Variants in ATP2C1 observed in about 807,000 individuals in gnomAD.
ATP2C1 encodes the protein calcium-transporting ATPase type 2C member 1.
In ATP2C1, 31 loss-of-function variants were observed where a neutral mutation model predicts 120.5. The ratio of observed to expected loss-of-function variants is 0.26; its 90% confidence interval spans 0.19 to 0.35. The LOEUF is 0.35. Ranked by LOEUF, ATP2C1 falls within the 10% of genes least tolerant of loss-of-function variation. The pLI is 1.00. For synonymous variants in ATP2C1, 351 were observed against 358.7 expected (o/e 0.98, Z 0.24); for missense variants, 731 against 1,107.5 (o/e 0.66, Z 4.83).
chr3:130,975,778 G>A (rs924181462), intron 18 of ATP2C1, among the ~76,000 whole-genome samples: 11 of 152,162 alleles, frequency 7.2e-5, no homozygotes, highest in Middle Eastern at 3.2e-3. Flanking sequence ...GAAATGGATC[G>A]AGGTAAAATG....
At chr3:130,926,130 A>G (rs1320541402) in intron 2 of ATP2C1, among the ~76,000 whole-genome samples, 1 of 152,116 alleles carries the variant, frequency 6.6e-6, no homozygotes, top group Non-Finnish European at 1.5e-5. Context: ...AATTTCTTCA[A>G]AGGGTCTGTG....
At chr3:130,919,284 G>A (rs970282378) in intron 2 of ATP2C1, among the ~76,000 whole-genome samples, 1 of 151,418 alleles carries the variant, frequency 6.6e-6, no homozygotes, top group African/African-American at 2.4e-5. Flanking sequence ...GAGTGCAATG[G>A]CGCGATCTCA....
At position 130,894,209 on chromosome 3, in the gene ATP2C1, C is replaced by T. The variant is rs1247831042; in HGVS notation, c.-309C>T. Reference sequence around the variant, plus strand: ...CCCTCCCGCTCGCTTCTTCTCACGCCGGGAGCAGGCTCCCGCCTCGCACCG... The same window carrying T: ...CCCTCCCGCTCGCTTCTTCTCACGCTGGGAGCAGGCTCCCGCCTCGCACCG... On this transcript the variant is annotated 5_prime_UTR_variant, in exon 1 of 28. Coordinates refer to ENST00000510168, the MANE Select transcript of ATP2C1 (RefSeq NM_001378687.1). The surrounding 1 kb of genome is among the most constrained non-coding windows in gnomAD (Gnocchi z 4.5). 5 of 984,842 alleles carry T rather than the reference C, an allele frequency of 5.1e-6. No homozygotes were observed. The highest frequency in any genetic ancestry group is 4.8e-6 in the Non-Finnish European group (4 of 829,678). 61.0% of individuals were successfully genotyped at this position (984,842 alleles called of 1,614,324 possible).
chr3:130,905,307 C>T (rs958207663), intron 2 of ATP2C1, among the ~76,000 whole-genome samples: 3 of 152,006 alleles, frequency 2.0e-5, no homozygotes, highest in Non-Finnish European at 4.4e-5. Flanking sequence ...AAAAAACTGC[C>T]AGTGATGCTG....
chr3:131,016,296 T>G (rs34786162), exon 27 of ATP2C1: 422 of 1,614,094 alleles, frequency 2.6e-4, no homozygotes, highest in Admixed American at 6.5e-4. Flanking sequence ...TTTGGAACTC[T>G]GCATACAACA....
intron 23 of ATP2C1, 35 bp downstream of exon 23, chr3:130,996,146 C>T (rs372216236): frequency 6.6e-5 from 95 of 1,432,210 alleles, no homozygotes; most frequent in Non-Finnish European, 9.3e-5. Flanking sequence ...CATGGGTCTT[C>T]TGGATAAATT....
intron 1 of ATP2C1, among the ~76,000 whole-genome samples, chr3:130,888,900 T>C (rs1471704459): frequency 3.9e-5 from 6 of 152,236 alleles, no homozygotes; most frequent in Admixed American, 3.9e-4. Context: ...GGGTTATCAA[T>C]GGTACAGGCT....
At chr3:130,989,795 G>C (rs2062229208) in intron 20 of ATP2C1, among the ~76,000 whole-genome samples, 1 of 152,204 alleles carries the variant, frequency 6.6e-6, no homozygotes, top group African/African-American at 2.4e-5. Flanking sequence ...TTATTTTGCA[G>C]CTTTTGCCAA....
rs200079664 is a variant in ATP2C1, at chr3:130,996,130, T to A, written c.2126+19T>A. 1.3e-6 allele frequency: 2 copies of A among 1,562,146 alleles called. No individual in the cohort carries two copies. Among genetic ancestry groups the A allele is most frequent in the Admixed American group, 1.7e-5 (1 of 59,958 alleles). On this transcript the variant is annotated intron_variant, in intron 23 of 27. Transcript: ENST00000510168. The stretch of plus-strand genomic sequence containing the variant: ...TGAGCACGTAAGTTTGCAAGAAATT[T>A]GTCACCATGGGTCTTCTGGATAAAT...
chr3:130,986,184 CT>C lies in ATP2C1; in HGVS notation c.1839+5520del, dbSNP rs34877609. Among the ~76,000 whole-genome samples the C allele has an allele frequency of 3.1e-3, 425 of 135,094 alleles. 4 individuals carry two copies. Among genetic ancestry groups the C allele is most frequent in the East Asian group, 5.1e-3 (24 of 4,686 alleles). The allele number at this position is 135,094 out of a possible 152,430, so 88.6% of individuals were successfully genotyped here. On this transcript the variant is annotated intron_variant, in intron 20 of 27. Coordinates refer to ENST00000510168, the MANE Select transcript of ATP2C1 (RefSeq NM_001378687.1). ...AAGGTGTTTATATATTTGAATAGGG[CT>C]TTTTTTTTTTTTTTGGTGCACGTCC...
intron 2 of ATP2C1, among the ~76,000 whole-genome samples, chr3:130,922,580 G>A (rs914312263): frequency 6.6e-6 from 1 of 152,100 alleles, no homozygotes; most frequent in East Asian, 1.9e-4. Context: ...ACTTTTTGAT[G>A]TAGGCATTTA....
intron 1 of ATP2C1, among the ~76,000 whole-genome samples, chr3:130,882,876 A>C (rs2068830759): frequency 6.6e-6 from 1 of 152,062 alleles, no homozygotes; most frequent in Non-Finnish European, 1.5e-5. Context: ...ATGAGTTTGG[A>C]AGTATTCCCT....
intron 2 of ATP2C1, among the ~76,000 whole-genome samples, chr3:130,920,204 T>G (rs905963288): frequency 6.6e-6 from 1 of 152,244 alleles, no homozygotes; most frequent in African/African-American, 2.4e-5. Context: ...GTCCCACTTG[T>G]TTATTTTTGT....
At chr3:130,887,562 C>A (rs1169278272) in intron 1 of ATP2C1, among the ~76,000 whole-genome samples, 2 of 152,208 alleles carry the variant, frequency 1.3e-5, no homozygotes, top group African/African-American at 2.4e-5. Flanking sequence ...CCTTCCTGCT[C>A]TTCCCTCCCC....
chr3:130,989,381 A>G (rs1425392947), intron 20 of ATP2C1, among the ~76,000 whole-genome samples: 2 of 151,912 alleles, frequency 1.3e-5, no homozygotes, highest in East Asian at 1.9e-4. Context: ...CCTGACCAAC[A>G]TGGAGAAAAC....
Position 130,932,134 on chromosome 3 carries a change from C to T in ATP2C1, c.230C>T (p.Ser77Phe), listed in dbSNP as rs772693382. 1.3e-6 allele frequency: 2 copies of T among 1,571,378 alleles called. No individual in the cohort carries two copies. The highest frequency in any genetic ancestry group is 1.8e-6 in the Non-Finnish European group (2 of 1,141,320). ...EDEPLWKKYI[S>F]QFKNPLIMLL... ...GAGCCACTGTGGAAGAAGTATATTT[C>T]TCAGGTGAGATACTTTTACTTCCTC... The change falls in exon 4 of 28, where the codon TCT (serine) becomes TTT (phenylalanine). Residue 77 changes from serine to phenylalanine, a missense_variant. Physicochemically the swap from Ser to Phe is radical, Grantham distance 155. Around this residue, in one of 3 missense-constraint regions of ATP2C1, gnomAD observed 571 missense variants for 845.9 expected, o/e 0.67. Coordinates refer to ENST00000510168, the MANE Select transcript of ATP2C1 (RefSeq NM_001378687.1).
intron 18 of ATP2C1, among the ~76,000 whole-genome samples, chr3:130,977,608 CTA>C (rs1275999336): frequency 6.6e-6 from 1 of 152,140 alleles, no homozygotes; most frequent in Non-Finnish European, 1.5e-5. Flanking sequence ...ATTATATTGA[CTA>C]ATTCTTTTCA....
intron 6 of ATP2C1, among the ~76,000 whole-genome samples, chr3:130,938,053 C>T (rs942770723): frequency 6.6e-6 from 1 of 152,220 alleles, no homozygotes; most frequent in Admixed American, 6.5e-5. Flanking sequence ...CTCCTCTCCC[C>T]TCCCTTTAAA....
intron 2 of ATP2C1, among the ~76,000 whole-genome samples, chr3:130,921,229 C>T (rs1346805775): frequency 1.9e-5 from 2 of 103,160 alleles, no homozygotes; most frequent in Non-Finnish European, 4.5e-5. Context: ...TTATAGGTGC[C>T]TGCCACCACA....
Sources: gnomAD v4.1 joint callset for allele counts (sites outside exome capture counted in the v4.1 genomes callset) on GRCh38, gnomAD v4.1.1 for gene constraint, gnomAD v4.1.1 regional missense constraint, Gnocchi (gnomAD v3.1) non-coding constraint, MANE v1.5 for transcripts, NCBI Gene and HGNC (gene_info 2026-07-23, HGNC 2026-07-21) for gene names.